Variants in ANO2 observed in about 807,000 individuals in gnomAD.
ANO2 encodes the protein anoctamin 2.
In ANO2, 101 loss-of-function variants were observed where a neutral mutation model predicts 124.2. The ratio of observed to expected loss-of-function variants is 0.81; its 90% CI spans 0.69 to 0.96. The LOEUF is 0.96. ANO2 is among the 40% of genes least tolerant of loss of function. The probability of loss-of-function intolerance (pLI) is 0.00; values close to 1 mark genes in which losing one functional copy is unlikely to be tolerated. For missense variants in ANO2, 1,293 were observed against 1,274.5 expected, an observed-to-expected ratio of 1.01 and a Z score of -0.22; for synonymous variants, 486 against 482.5, an observed-to-expected ratio of 1.01 and a Z score of -0.09.
intron 10 of ANO2, among the ~76,000 whole-genome samples, chr12:5,775,683 G>A (rs557478955): frequency 1.3e-5 from 2 of 151,978 alleles, no homozygotes; most frequent in Non-Finnish European, 2.9e-5. Flanking sequence ...GGATGGTCTC[G>A]ATCTTCTGAC....
chr12:5,833,986 A>G (rs1954236804), intron 4 of ANO2, among the ~76,000 whole-genome samples: 1 of 152,002 alleles, frequency 6.6e-6, no homozygotes, highest in African/African-American at 2.4e-5. Context: ...TCCTGAGAGT[A>G]CCCAGTAAGG....
At chr12:5,927,909 A>AC (rs1246823735) in intron 1 of ANO2, among the ~76,000 whole-genome samples, 1 of 152,214 alleles carries the variant, frequency 6.6e-6, no homozygotes. Context: ...GCCCTTCTGA[A>AC]CAGGGGGGAG....
intron 3 of ANO2, among the ~76,000 whole-genome samples, chr12:5,913,422 C>A (rs1941174981): frequency 6.6e-6 from 1 of 152,192 alleles, no homozygotes; most frequent in Non-Finnish European, 1.5e-5. Flanking sequence ...AGCCCAGAGT[C>A]CAGTGGGCTC....
At chr12:5,819,482 A>C (rs1194318377) in intron 7 of ANO2, among the ~76,000 whole-genome samples, 2 of 152,204 alleles carry the variant, frequency 1.3e-5, no homozygotes, top group Non-Finnish European at 2.9e-5. Flanking sequence ...GGGGAGTTAA[A>C]AGGGGTTCTA....
chr12:5,697,448 T>A (rs1949228551), intron 14 of ANO2, among the ~76,000 whole-genome samples: 1 of 151,658 alleles, frequency 6.6e-6, no homozygotes, highest in Admixed American at 6.6e-5. Context: ...AATAAATAAA[T>A]AAAATTAAAA....
At chr12:5,786,103 T>C (rs797019681) in intron 10 of ANO2, among the ~76,000 whole-genome samples, 5 of 152,204 alleles carry the variant, frequency 3.3e-5, no homozygotes, top group African/African-American at 1.2e-4. Context: ...GGGTGGTGCT[T>C]CCAATGGATG....
At chr12:5,822,538 A>G (rs909920420) in intron 7 of ANO2, among the ~76,000 whole-genome samples, 1 of 152,208 alleles carries the variant, frequency 6.6e-6, no homozygotes, top group Non-Finnish European at 1.5e-5. Flanking sequence ...ACCAAGGCTG[A>G]CCTGGCTACA....
chr12:5,915,372 T>G (rs1329527748), intron 3 of ANO2, among the ~76,000 whole-genome samples: 1 of 152,082 alleles, frequency 6.6e-6, no homozygotes, highest in African/African-American at 2.4e-5. Flanking sequence ...AATGAAAAAG[T>G]GAAATGCCAA....
At chr12:5,676,914 C>T (rs1031121678) in intron 14 of ANO2, among the ~76,000 whole-genome samples, 7 of 151,966 alleles carry the variant, frequency 4.6e-5, no homozygotes, top group African/African-American at 1.5e-4. Context: ...ATTAACCAGG[C>T]GTGGTGGTGC....
intron 1 of ANO2, among the ~76,000 whole-genome samples, chr12:5,932,278 A>G (rs1393944923): frequency 2.0e-5 from 3 of 151,790 alleles, no homozygotes; most frequent in African/African-American, 7.3e-5. Flanking sequence ...AAGACTGGTA[A>G]GAAAGTGACT....
At chr12:5,664,800 T>A (rs559683781) in intron 14 of ANO2, among the ~76,000 whole-genome samples, 1 of 152,326 alleles carries the variant, frequency 6.6e-6, no homozygotes, top group South Asian at 2.1e-4. Flanking sequence ...CCTCTCTCTC[T>A]CTTTTAGGGA....
chr12:5,816,038 T>C (rs1315696862), intron 7 of ANO2, among the ~76,000 whole-genome samples: 1 of 152,098 alleles, frequency 6.6e-6, no homozygotes, highest in Non-Finnish European at 1.5e-5. Context: ...AGAATTAGCT[T>C]TGTAAGTTGG....
chr12:5,931,703 C>T (rs1942396769), intron 1 of ANO2, among the ~76,000 whole-genome samples: 1 of 129,062 alleles, frequency 7.7e-6, no homozygotes, highest in Non-Finnish European at 1.6e-5. Context: ...AAGAAAGTGA[C>T]TAATAAGGAA....
At chr12:5,825,318 G>A (rs569347831) in intron 7 of ANO2, among the ~76,000 whole-genome samples, 11 of 152,244 alleles carry the variant, frequency 7.2e-5, no homozygotes, top group African/African-American at 2.4e-4. Context: ...TGCTGGGCTG[G>A]GACAAAGTTC....
At chr12:5,812,061 G>A (rs1265214429) in intron 7 of ANO2, among the ~76,000 whole-genome samples, 1 of 149,812 alleles carries the variant, frequency 6.7e-6, no homozygotes, top group Non-Finnish European at 1.5e-5. Context: ...GGTAAGGGAG[G>A]GGAGGGGAGA....
chr12:5,893,654 C>T (rs567583728), intron 3 of ANO2, among the ~76,000 whole-genome samples: 1 of 151,564 alleles, frequency 6.6e-6, no homozygotes, highest in African/African-American at 2.4e-5. Context: ...CCCCACCCCA[C>T]AACAGGCCCC....
chr12:5,613,330 G>C (rs573921713), intron 17 of ANO2, among the ~76,000 whole-genome samples: 6 of 152,144 alleles, frequency 3.9e-5, no homozygotes, highest in Admixed American at 2.0e-4. Context: ...CACAGCTCTG[G>C]TTGCAACTCC....
intron 10 of ANO2, among the ~76,000 whole-genome samples, chr12:5,753,052 G>C (rs1421424259): frequency 1.3e-5 from 2 of 152,148 alleles, no homozygotes; most frequent in African/African-American, 4.8e-5. Flanking sequence ...TTCTGAGACA[G>C]GTCTCAATCA....
chr12:5,582,619 T>C (rs1942814525), intron 20 of ANO2, among the ~76,000 whole-genome samples: 1 of 152,194 alleles, frequency 6.6e-6, no homozygotes. Context: ...TATTTAAGAT[T>C]TTTCAGTGAA....
Sources: allele counts gnomAD v4.1 joint callset (sites outside exome capture counted in the v4.1 genomes callset), GRCh38; gene constraint gnomAD v4.1.1; transcripts MANE v1.5; gene names NCBI Gene and HGNC (gene_info 2026-07-23, HGNC 2026-07-21).